The following ATP10B variants were observed in gnomAD, a reference collection of about 807,000 sequenced individuals.
The protein encoded by ATP10B is phospholipid-transporting ATPase VB.
A neutral mutation model predicts 141.2 loss-of-function variants in ATP10B; 122 were observed. That is an observed-to-expected ratio of 0.86 (90% CI 0.75 to 1.00). The LOEUF is 1.00. ATP10B is among the 50% of genes least tolerant of loss of function. The pLI is 0.00. For synonymous variants in ATP10B, 685 were observed against 692.0 expected (o/e 0.99, Z 0.16); for missense variants, 1,876 against 1,825.3 (o/e 1.03, Z -0.51).
At chr5:160,618,010 C>A (rs1352166026) in intron 15 of ATP10B, 37 bp from the exon 16 acceptor site, 2 of 1,519,198 alleles carry the variant, frequency 1.3e-6, no homozygotes, top group African/African-American at 2.7e-5. Context: ...AGGCCACATA[C>A]AAATGCTCAG....
chr5:160,639,979 T>A (rs1759713774), intron 10 of ATP10B, among the ~76,000 whole-genome samples: 1 of 152,238 alleles, frequency 6.6e-6, no homozygotes, highest in African/African-American at 2.4e-5. Context: ...CAGTTCACAA[T>A]AGGTTTTGCA....
At chr5:160,574,611 C>T (rs1229425818) in intron 24 of ATP10B, among the ~76,000 whole-genome samples, 2 of 152,108 alleles carry the variant, frequency 1.3e-5, no homozygotes, top group African/African-American at 4.8e-5. Context: ...CTAATACCCA[C>T]TGTGATAGTA....
chr5:160,872,059 A>G, the ATP10B span, among the ~76,000 whole-genome samples: 1 of 151,778 alleles, frequency 6.6e-6, no homozygotes, highest in Non-Finnish European at 1.5e-5. Context: ...AATATCTACT[A>G]TTTTGATTCT....
At chr5:160,808,028 A>T (rs1772901541) in intron 1 of ATP10B, among the ~76,000 whole-genome samples, 1 of 152,220 alleles carries the variant, frequency 6.6e-6, no homozygotes, top group South Asian at 2.1e-4. Context: ...TGAATAAAAT[A>T]ATCTCCATTG....
At chr5:160,922,070 A>G in the ATP10B span, among the ~76,000 whole-genome samples, 6 of 152,138 alleles carry the variant, frequency 3.9e-5, no homozygotes, top group African/African-American at 7.3e-5. Flanking sequence ...AGAAAATGAC[A>G]TATTTTCATG....
chr5:160,715,456 C>T (rs1272015102), intron 3 of ATP10B, among the ~76,000 whole-genome samples: 1 of 144,496 alleles, frequency 6.9e-6, no homozygotes, highest in Non-Finnish European at 1.5e-5. Flanking sequence ...TGAGGCAATG[C>T]CTCGCCCTGC....
At chr5:160,675,851 G>A (rs1292708541) in intron 6 of ATP10B, among the ~76,000 whole-genome samples, 4 of 148,072 alleles carry the variant, frequency 2.7e-5, no homozygotes, top group Non-Finnish European at 6.0e-5. Flanking sequence ...AGAAACAGCT[G>A]AGGCCAGAGA....
chr5:160,673,296 G>T (rs1206265972), intron 6 of ATP10B, among the ~76,000 whole-genome samples: 1 of 152,036 alleles, frequency 6.6e-6, no homozygotes, highest in Non-Finnish European at 1.5e-5. Context: ...ATTTTTGCGG[G>T]TGCATAGTAG....
chr5:160,786,065 G>T (rs542093154), intron 1 of ATP10B, among the ~76,000 whole-genome samples: 3 of 152,120 alleles, frequency 2.0e-5, no homozygotes, highest in Non-Finnish European at 2.9e-5. Flanking sequence ...ATGCCTAATT[G>T]CTCCATGAAA....
rs779564103 is a variant in ATP10B at position 160,602,737 on chromosome 5, C to T, written c.3238-35G>A. 9.9e-6 allele frequency: 16 copies of T among 1,612,128 alleles called. No individual in the cohort carries two copies. In the East Asian group the frequency reaches 3.3e-4, roughly 34 times the overall value. The stretch of plus-strand genomic sequence containing the variant: ...GAGAACAGACACATCAGCTTCCATC[C>T]ATGGCTGCCAGTGCCCCAGAGGGAC... On this transcript the variant is annotated intron_variant, in intron 20 of 25. Coordinates refer to ENST00000327245, the MANE Select transcript of ATP10B (RefSeq NM_025153.3).
intron 1 of ATP10B, among the ~76,000 whole-genome samples, chr5:160,800,436 A>G (rs1033825003): frequency 1.3e-5 from 2 of 152,240 alleles, no homozygotes; most frequent in African/African-American, 4.8e-5. Context: ...AGAGTTTACA[A>G]ATGTGACCAT....
the ATP10B span, among the ~76,000 whole-genome samples, chr5:160,905,806 A>G: frequency 2.6e-5 from 4 of 152,280 alleles, no homozygotes; most frequent in South Asian, 2.1e-4. Flanking sequence ...TGCATGATAA[A>G]CTGAGTTCTT....
intron 1 of ATP10B, among the ~76,000 whole-genome samples, chr5:160,821,653 A>C (rs1774115947): frequency 6.6e-6 from 1 of 152,142 alleles, no homozygotes; most frequent in African/African-American, 2.4e-5. Context: ...CCGGCATAAA[A>C]ACAGACACAT....
chr5:160,899,016 GA>G, the ATP10B span, among the ~76,000 whole-genome samples: 6 of 150,088 alleles, frequency 4.0e-5, no homozygotes, highest in African/African-American at 1.5e-4. Context: ...GTAGGGGAGG[GA>G]TAGCATTAGG....
chr5:160,620,962 A>T lies in ATP10B; in HGVS notation c.1813-12T>A. Reference sequence around the variant, plus strand: ...GGTTTGATGGTGACCTTGTGGCCAAAGAAGGAAAGTGGAATATTACTCTCA... The same window carrying T: ...GGTTTGATGGTGACCTTGTGGCCAATGAAGGAAAGTGGAATATTACTCTCA... On this transcript the variant is annotated splice_polypyrimidine_tract_variant and intron_variant, in intron 14 of 25. Coordinates refer to ENST00000327245, the MANE Select transcript of ATP10B (RefSeq NM_025153.3). The T allele has an allele frequency of 6.2e-7, 1 of 1,600,382 alleles. No individual in the cohort carries two copies. Among genetic ancestry groups the T allele is most frequent in the Non-Finnish European group, 8.5e-7 (1 of 1,172,922 alleles).
At chr5:160,750,935 CT>C (rs763083938) in intron 2 of ATP10B, among the ~76,000 whole-genome samples, 1 of 152,184 alleles carries the variant, frequency 6.6e-6, no homozygotes, top group Non-Finnish European at 1.5e-5. Flanking sequence ...CTCCCCTACA[CT>C]TTCTTTAGAT....
the ATP10B span, among the ~76,000 whole-genome samples, chr5:160,926,758 G>A: frequency 3.9e-5 from 6 of 152,228 alleles, no homozygotes; most frequent in Admixed American, 6.5e-5. Flanking sequence ...TAATTAAAGC[G>A]TGTAAGTTGA....
At chr5:160,757,931 C>T (rs1276406390) in intron 2 of ATP10B, among the ~76,000 whole-genome samples, 4 of 152,140 alleles carry the variant, frequency 2.6e-5, no homozygotes, top group African/African-American at 9.7e-5. Flanking sequence ...AGCACCCCGA[C>T]TCCCAAGTGT....
chr5:160,626,908 T>G (rs561635327), intron 13 of ATP10B, among the ~76,000 whole-genome samples: 7 of 152,344 alleles, frequency 4.6e-5, no homozygotes, highest in Admixed American at 3.3e-4. Flanking sequence ...TATAGCAGTT[T>G]GTTGCTACAG....
Sources: allele counts gnomAD v4.1 joint callset (sites outside exome capture counted in the v4.1 genomes callset), GRCh38; gene constraint gnomAD v4.1.1; transcripts MANE v1.5; gene names NCBI Gene and HGNC (gene_info 2026-07-23, HGNC 2026-07-21).